Variants in AHDC1 observed in about 807,000 individuals in gnomAD.
AHDC1 encodes the protein transcription factor Gibbin.
Under a neutral mutation model 87.9 loss-of-function variants are expected in AHDC1, and 7 were observed. The ratio of observed to expected loss-of-function variants is 0.08; its 90% CI spans 0.05 to 0.15. The LOEUF is 0.15. AHDC1 is among the 10% of genes least tolerant of loss of function. The pLI is 1.00. For missense variants in AHDC1, 1,841 were observed against 2,253.2 expected (o/e 0.82, Z 3.70); for synonymous variants, 1,051 against 1,006.8 (o/e 1.04, Z -0.83).
intron 5 of AHDC1, among the ~76,000 whole-genome samples, chr1:27,557,825 G>A (rs925980866): frequency 6.6e-5 from 10 of 152,040 alleles, no homozygotes; most frequent in African/African-American, 2.4e-4. Flanking sequence ...CACATACACA[G>A]CCCTTGAACG....
At chr1:27,571,789 T>G (rs1040067406) in intron 3 of AHDC1, among the ~76,000 whole-genome samples, 1 of 147,458 alleles carries the variant, frequency 6.8e-6, no homozygotes, top group African/African-American at 2.5e-5. Context: ...CCCGCCGGGG[T>G]GGGTTTGCAG....
intron 3 of AHDC1, among the ~76,000 whole-genome samples, chr1:27,584,502 A>AT (rs1304924977): frequency 1.3e-5 from 2 of 152,118 alleles, no homozygotes; most frequent in Admixed American, 6.5e-5. Flanking sequence ...AAATGACATG[A>AT]TTTTTTTGCA....
rs1262156130 is a variant in AHDC1 at position 27,561,051 on chromosome 1, C to A, written c.-628-2168G>T. ...CACAGGCAGAGAAGGAGAATTCCAACCTGCCAGAGCCTCCCTCCTCTGATC... is the reference window on the plus strand; with the variant it reads ...CACAGGCAGAGAAGGAGAATTCCAAACTGCCAGAGCCTCCCTCCTCTGATC... On this transcript the variant is annotated intron_variant, in intron 3 of 8. Transcript: ENST00000673934. The surrounding 1 kb of genome is among the most constrained non-coding windows in gnomAD (Gnocchi z 4.2). Among the ~76,000 whole-genome samples, 1 of 152,164 alleles carries A rather than the reference C, an allele frequency of 6.6e-6. No homozygotes were observed. Among genetic ancestry groups the A allele is most frequent in the African/African-American group, 2.4e-5 (1 of 41,430 alleles).
At chr1:27,585,161 G>T (rs1159260124) in intron 3 of AHDC1, among the ~76,000 whole-genome samples, 2 of 148,954 alleles carry the variant, frequency 1.3e-5, no homozygotes, top group Non-Finnish European at 3.0e-5. Context: ...TACTTGAGAA[G>T]AGAATCACCT....
rs188515794 is a variant in AHDC1 at position 27,576,969 on chromosome 1, C to T, written c.-628-18086G>A. On this transcript the variant is annotated intron_variant, in intron 3 of 8. Transcript: ENST00000673934. ...ACCGCCTGCCCACACCCCCCAACGC[C>T]AGCACCCACCGTCATGACATGAACA... Among the ~76,000 whole-genome samples the T allele has an allele frequency of 1.6e-4, 25 of 152,346 alleles. No individual in the cohort carries two copies. The East Asian group carries it at 4.0e-3, about 25-fold the overall frequency.
chr1:27,573,717 G>A (rs1384763300), intron 3 of AHDC1, among the ~76,000 whole-genome samples: 2 of 152,192 alleles, frequency 1.3e-5, no homozygotes, highest in East Asian at 3.8e-4. Flanking sequence ...GGCCTTGAAT[G>A]CAAGTTCCCT....
At chr1:27,592,363 T>A (rs1161436970) in intron 3 of AHDC1, among the ~76,000 whole-genome samples, 2 of 151,602 alleles carry the variant, frequency 1.3e-5, no homozygotes, top group Non-Finnish European at 2.9e-5. Flanking sequence ...ACCCAGCCCA[T>A]CACCTGCACC....
rs2019203522 is a variant in AHDC1, at chr1:27,547,141, G to C, written c.*43+120C>G. ...CCCTACACCCTGCTCTCAGTCCCCA[G>C]CCTTGCCCTTAAATCCTGCATTTGC... On this transcript the variant is annotated intron_variant, in intron 8 of 8. Coordinates refer to ENST00000673934, the MANE Select transcript of AHDC1 (RefSeq NM_001371928.1). This position sits in a 1 kb window ranked among gnomAD's most constrained non-coding sequence, Gnocchi z 4.9. 1.5e-6 allele frequency: 1 copy of C among 676,386 alleles called. No individual in the cohort carries two copies. The allele number at this position is 676,386 out of a possible 1,614,324, so 41.9% of individuals were successfully genotyped here. A position where few individuals can be genotyped will look rare whatever the true frequency, so the allele number is the denominator to read the frequency against.
At chr1:27,583,296 A>C (rs1461333800) in intron 3 of AHDC1, among the ~76,000 whole-genome samples, 1 of 152,166 alleles carries the variant, frequency 6.6e-6, no homozygotes, top group East Asian at 1.9e-4. Flanking sequence ...CTGAGCCCTA[A>C]GCCGCGTTCA....
chr1:27,549,785 G>T lies in AHDC1; in HGVS notation c.2331C>A (p.Ala777=). Reference sequence around the variant, plus strand: ...GTCCGCCTGGGTGCCCATGGTGAGGGGCCCAGCCACCACCCTTATCCCCGG... The same window carrying T: ...GTCCGCCTGGGTGCCCATGGTGAGGTGCCCAGCCACCACCCTTATCCCCGG... ...EWAGDKGGGW[A]PHHGHPGGQA... The change falls in exon 8 of 9, where the codon GCC becomes GCA. Residue 777 remains alanine, a synonymous_variant. Transcript: ENST00000673934. The T allele has an allele frequency of 6.2e-7, 1 of 1,613,322 alleles. No individual in the cohort carries two copies. The highest frequency in any genetic ancestry group is 8.5e-7 in the Non-Finnish European group (1 of 1,179,948).
chr1:27,571,714 C>G (rs921551411), intron 3 of AHDC1, among the ~76,000 whole-genome samples: 1 of 152,126 alleles, frequency 6.6e-6, no homozygotes, highest in South Asian at 2.1e-4. Flanking sequence ...GGGGCTGGCC[C>G]CCAGCCCCCT....
At chr1:27,601,580 G>A (rs1346847351) in intron 3 of AHDC1, among the ~76,000 whole-genome samples, 1 of 152,214 alleles carries the variant, frequency 6.6e-6, no homozygotes, top group Non-Finnish European at 1.5e-5. Flanking sequence ...AGAAAAAAAT[G>A]AATTCAACTT....
At chr1:27,592,786 GCC>G (rs2089262458) in intron 3 of AHDC1, among the ~76,000 whole-genome samples, 1 of 152,204 alleles carries the variant, frequency 6.6e-6, no homozygotes, top group African/African-American at 2.4e-5. Context: ...GATTGGCTGA[GCC>G]GGCTGCCGGT....
At chr1:27,600,442 G>A (rs1450680049) in intron 3 of AHDC1, among the ~76,000 whole-genome samples, 1 of 150,740 alleles carries the variant, frequency 6.6e-6, no homozygotes, top group Non-Finnish European at 1.5e-5. Context: ...ATGAGACACA[G>A]AGCTCTGTGT....
chr1:27,548,639 C>T lies in AHDC1; in HGVS notation c.3477G>A (p.Val1159=), dbSNP rs768651124. The T allele has an allele frequency of 6.2e-7, 1 of 1,613,492 alleles. No individual in the cohort carries two copies. The highest frequency in any genetic ancestry group is 1.7e-5 in the Admixed American group (1 of 60,032). The change falls in exon 8 of 9, where the codon GTG becomes GTA. Residue 1159 remains valine (V), a synonymous_variant. Coordinates refer to ENST00000673934, the MANE Select transcript of AHDC1 (RefSeq NM_001371928.1). ...AGGATGACTCAGAGAAGGTCTCCGA[C>T]ACAGCCGTCTGCTGCTTCACCTTCT... The part of the protein sequence containing the change: ...TPQKVKQQTA[V]SETFSESSSD...
chr1:27,599,422 G>C (rs1293243081), intron 3 of AHDC1, among the ~76,000 whole-genome samples: 2 of 151,974 alleles, frequency 1.3e-5, no homozygotes, highest in African/African-American at 2.4e-5. Flanking sequence ...GGGGGCTCTG[G>C]CCACAAGGGT....
At position 27,563,279 on chromosome 1, in the gene AHDC1, T is replaced by C. The variant is rs573217314; in HGVS notation, c.-628-4396A>G. ...TGCACACACCCACACAAAGAACCTG[T>C]CACATAGTTGACCAAGACACACACA... On this transcript the variant is annotated intron_variant, in intron 3 of 8. Transcript: ENST00000673934. The surrounding 1 kb of genome is among the most constrained non-coding windows in gnomAD (Gnocchi z 6.1). Among the ~76,000 whole-genome samples the C allele has an allele frequency of 1.5e-4, 22 of 150,820 alleles. No individual in the cohort carries two copies. The Middle Eastern group carries it at 0.01, about 70-fold the overall frequency.
intron 3 of AHDC1, among the ~76,000 whole-genome samples, chr1:27,585,545 A>G (rs2089029210): frequency 6.6e-6 from 1 of 152,230 alleles, no homozygotes; most frequent in African/African-American, 2.4e-5. Context: ...ACCTAGCTCT[A>G]GAAAGGTTCC....
chr1:27,550,831 G>A lies in AHDC1; in HGVS notation c.1285C>T (p.Pro429Ser). The part of the protein sequence containing the change: ...PTGLVAALAE[P>S]PPPPPPPPPA... ...GGTGGAGGAGGCGGTGGTGGTGGGG[G>A]TTCGGCCAGGGCAGCCACCAGCCCC... Residue 429 changes from proline (P) to serine (S), a missense_variant, in exon 8 of 9, where the codon CCC becomes TCC. Transcript: ENST00000673934. 3 of 1,565,046 alleles carry A rather than the reference G, an allele frequency of 1.9e-6. No homozygotes were observed. Among genetic ancestry groups the A allele is most frequent in the Non-Finnish European group, 2.6e-6 (3 of 1,157,610 alleles).
Sources: gnomAD v4.1 joint callset for allele counts (sites outside exome capture counted in the v4.1 genomes callset) on GRCh38, gnomAD v4.1.1 for gene constraint, Gnocchi (gnomAD v3.1) non-coding constraint, MANE v1.5 for transcripts, NCBI Gene and HGNC (gene_info 2026-07-23, HGNC 2026-07-21) for gene names.